The following ACKR3 variants were observed in gnomAD, a reference collection of about 807,000 sequenced individuals.
ACKR3 encodes atypical chemokine receptor 3, also known as C-X-C chemokine receptor type 7.
A neutral mutation model predicts 22.4 loss-of-function variants in ACKR3; 6 were observed. The observed-to-expected ratio is 0.27, with a 90% CI of 0.15 to 0.53. The LOEUF is 0.53. Among genes scored for constraint, ACKR3 ranks in the 20% least tolerant of loss-of-function variants. ACKR3 has a pLI of 0.96. For synonymous variants in ACKR3, 209 were observed against 205.2 expected (o/e 1.02, Z -0.16); for missense variants, 396 against 475.2 (o/e 0.83, Z 1.55).
the ACKR3 span, among the ~76,000 whole-genome samples, chr2:236,539,272 CTCTT>C: frequency 2.0e-5 from 3 of 148,566 alleles, no homozygotes; most frequent in African/African-American, 7.5e-5. Flanking sequence ...CTCTCTCTCT[CTCTT>C]TGTGTAAACA....
chr2:236,552,357 T>C, the ACKR3 span, among the ~76,000 whole-genome samples: 1 of 152,150 alleles, frequency 6.6e-6, no homozygotes, highest in South Asian at 2.1e-4. Context: ...CTTTCTATTA[T>C]ACATGGTGAA....
At chr2:236,539,306 C>CTT in the ACKR3 span, among the ~76,000 whole-genome samples, 2,253 of 120,706 alleles carry the variant, frequency 0.019, 77 homozygotes, top group African/African-American at 0.066. Flanking sequence ...TTTTTCTTTT[C>CTT]TTTTTTTTTT....
the ACKR3 span, among the ~76,000 whole-genome samples, chr2:236,562,250 A>G: frequency 2.0e-5 from 3 of 152,252 alleles, no homozygotes; most frequent in Admixed American, 2.0e-4. Context: ...TTAATTTAGC[A>G]AGTTATACTA....
chr2:236,560,595 A>T, the ACKR3 span, among the ~76,000 whole-genome samples: 1 of 152,162 alleles, frequency 6.6e-6, no homozygotes, highest in Non-Finnish European at 1.5e-5. Context: ...TTTACCAGAT[A>T]AATGGTTTGC....
At chr2:236,561,552 G>A in the ACKR3 span, among the ~76,000 whole-genome samples, 1 of 151,988 alleles carries the variant, frequency 6.6e-6, no homozygotes, top group Non-Finnish European at 1.5e-5. Flanking sequence ...CTGTTGCCCG[G>A]GCTGGAGTGC....
chr2:236,556,876 C>T, the ACKR3 span, among the ~76,000 whole-genome samples: 6 of 152,224 alleles, frequency 3.9e-5, no homozygotes, highest in South Asian at 2.1e-4. Context: ...TTAGTAGAGA[C>T]GGGGTTTCGC....
chr2:236,557,253 C>CGTGTGTGTGTGTGTGTGTGTGTGT, the ACKR3 span, among the ~76,000 whole-genome samples: 2 of 139,904 alleles, frequency 1.4e-5, no homozygotes, highest in African/African-American at 6.2e-5. Context: ...TTCATGTGAA[C>CGTGTGTGTGTGTGTGTGTGTGTGT]GTATGTGTGT....
the ACKR3 span, among the ~76,000 whole-genome samples, chr2:236,543,764 T>C: frequency 3.6e-4 from 55 of 151,968 alleles, no homozygotes; most frequent in African/African-American, 1.3e-3. Context: ...AGAATACTGA[T>C]GAAATGTGAC....
At chr2:236,567,431 G>GC (rs1336202898), upstream of ACKR3, among the ~76,000 whole-genome samples, 1 of 152,206 alleles carries the variant, frequency 6.6e-6, no homozygotes, top group African/African-American at 2.4e-5. Context: ...GTGGAGTTCT[G>GC]CCCTTACACT....
At chr2:236,556,525 C>A in the ACKR3 span, among the ~76,000 whole-genome samples, 1 of 151,910 alleles carries the variant, frequency 6.6e-6, no homozygotes, top group Non-Finnish European at 1.5e-5. Flanking sequence ...GAGGTTGGAG[C>A]GATTCGAGGA....
At chr2:236,575,468 C>A (rs1350860585) in intron 1 of ACKR3, among the ~76,000 whole-genome samples, 1 of 111,092 alleles carries the variant, frequency 9.0e-6, no homozygotes, top group Non-Finnish European at 1.8e-5. Context: ...TGGGGTTGTG[C>A]TGTGTGTGCG....
intron 1 of ACKR3, among the ~76,000 whole-genome samples, chr2:236,573,035 AG>A (rs1285541858): frequency 6.6e-6 from 1 of 152,228 alleles, no homozygotes; most frequent in Non-Finnish European, 1.5e-5. Flanking sequence ...CTGGCAGCAG[AG>A]GGGACAGACA....
the ACKR3 span, among the ~76,000 whole-genome samples, chr2:236,549,452 C>G: frequency 6.6e-6 from 1 of 152,208 alleles, no homozygotes; most frequent in Non-Finnish European, 1.5e-5. The surrounding 1 kb of genome is among the most constrained non-coding windows in gnomAD (Gnocchi z 5.3). Flanking sequence ...GGTCCCCTCA[C>G]ACAGTGAGGT....
the ACKR3 span, among the ~76,000 whole-genome samples, chr2:236,552,868 C>A: frequency 6.6e-6 from 1 of 152,108 alleles, no homozygotes; most frequent in African/African-American, 2.4e-5. Context: ...CTTCCCAGGC[C>A]CTAGGAGAGG....
At chr2:236,563,096 A>G (rs1437801058), upstream of ACKR3, among the ~76,000 whole-genome samples, 4 of 152,186 alleles carry the variant, frequency 2.6e-5, no homozygotes, top group African/African-American at 4.8e-5. Context: ...GTGTATCTGC[A>G]TATTCCTAGG....
the ACKR3 span, among the ~76,000 whole-genome samples, chr2:236,562,570 A>C: frequency 6.6e-6 from 1 of 152,084 alleles, no homozygotes. Context: ...AACTTTAGTG[A>C]ATACTGCCAA....
chr2:236,537,311 C>T, the ACKR3 span, among the ~76,000 whole-genome samples: 1 of 152,174 alleles, frequency 6.6e-6, no homozygotes. Context: ...TAAGTGTGAG[C>T]GGCTGGTGGA....
chr2:236,555,267 A>G, the ACKR3 span, among the ~76,000 whole-genome samples: 2 of 152,218 alleles, frequency 1.3e-5, no homozygotes, highest in African/African-American at 2.4e-5. Flanking sequence ...ACAATTCAGA[A>G]TCTTCACTCT....
rs569650919 is a variant in ACKR3, at chr2:236,573,740, A to C, written c.-27+3816A>C. ...CCCAGCTACCAGACCACCCCACTGC[A>C]AAGCTGCCTGTGGGGTTCGTATCAC... is the stretch of plus-strand genomic sequence containing the variant. On this transcript the variant is annotated intron_variant, in intron 1 of 1. Transcript: ENST00000272928. 4.6e-5 allele frequency among the ~76,000 whole-genome samples: 7 copies of C among 152,334 alleles called. No individual in the cohort carries two copies. In the South Asian group the frequency reaches 1.4e-3, roughly 32 times the overall value.
Sources: allele counts gnomAD v4.1 joint callset (sites outside exome capture counted in the v4.1 genomes callset), GRCh38; gene constraint gnomAD v4.1.1; non-coding constraint Gnocchi (gnomAD v3.1); transcripts MANE v1.5; gene names NCBI Gene and HGNC (gene_info 2026-07-23, HGNC 2026-07-21).